GRIA1: variants seen among roughly 807,000 people sequenced by gnomAD.
GRIA1 encodes glutamate receptor 1.
GRIA1 carries 31 observed loss-of-function variants against 99.2 expected under a neutral mutation model. The ratio of observed to expected loss-of-function variants is 0.31; its 90% CI spans 0.23 to 0.42. The LOEUF is 0.42. GRIA1 is among the 10% of genes least tolerant of loss of function. The pLI, the probability that GRIA1 is intolerant of heterozygous loss-of-function variation, is 1.00. For synonymous variants in GRIA1, 438 were observed against 432.4 expected, an observed-to-expected ratio of 1.01 and a Z score of -0.16; for missense variants, 782 against 1,157.5, an observed-to-expected ratio of 0.68 and a Z score of 4.71.
intron 11 of GRIA1, among the ~76,000 whole-genome samples, chr5:153,760,632 A>G (rs1763119401): frequency 6.6e-6 from 1 of 152,124 alleles, no homozygotes; most frequent in Non-Finnish European, 1.5e-5. Flanking sequence ...TGCAATCCCT[A>G]TCATAATGTC....
intron 15 of GRIA1, among the ~76,000 whole-genome samples, chr5:153,805,936 A>G (rs1361159247): frequency 6.6e-6 from 1 of 152,210 alleles, no homozygotes; most frequent in Non-Finnish European, 1.5e-5. Context: ...GGCTCCTAAT[A>G]GAATTTCCCA....
chr5:153,548,131 C>T (rs1759780276), intron 2 of GRIA1, among the ~76,000 whole-genome samples: 1 of 152,146 alleles, frequency 6.6e-6, no homozygotes, highest in African/African-American at 2.4e-5. Context: ...AGCAGGATCT[C>T]AGTCTATGGC....
chr5:153,518,357 A>G (rs925159539), intron 2 of GRIA1, among the ~76,000 whole-genome samples: 2 of 152,140 alleles, frequency 1.3e-5, no homozygotes, highest in Non-Finnish European at 2.9e-5. Context: ...TGTTCCTTGT[A>G]TCCTGTGTCT....
intron 2 of GRIA1, among the ~76,000 whole-genome samples, chr5:153,530,598 T>C (rs1029218888): frequency 1.3e-5 from 2 of 152,382 alleles, no homozygotes; most frequent in East Asian, 3.9e-4. Flanking sequence ...GTTTCCGCTG[T>C]GCTGTTACAA....
chr5:153,632,611 A>T (rs938639304), intron 2 of GRIA1, among the ~76,000 whole-genome samples: 1 of 152,188 alleles, frequency 6.6e-6, no homozygotes, highest in Admixed American at 6.5e-5. Flanking sequence ...GGACTTTGGT[A>T]AGCTTATTCC....
chr5:153,541,904 G>A (rs549161504), intron 2 of GRIA1, among the ~76,000 whole-genome samples: 16 of 141,636 alleles, frequency 1.1e-4, no homozygotes, highest in African/African-American at 2.8e-4. Context: ...CACACCAGCC[G>A]GGTGACAGAA....
At chr5:153,669,302 C>T (rs1387837342) in intron 5 of GRIA1, among the ~76,000 whole-genome samples, 4 of 152,114 alleles carry the variant, frequency 2.6e-5, no homozygotes, top group Non-Finnish European at 5.9e-5. Context: ...TCTTAAAAAG[C>T]TGTTTGAATA....
intron 2 of GRIA1, among the ~76,000 whole-genome samples, chr5:153,630,348 T>C (rs1327450417): frequency 6.6e-6 from 1 of 152,120 alleles, no homozygotes; most frequent in East Asian, 1.9e-4. Context: ...TTCTTAGATA[T>C]GTGAGGGAGA....
At chr5:153,764,998 GCT>G (rs1163694164) in intron 12 of GRIA1, among the ~76,000 whole-genome samples, 2 of 152,072 alleles carry the variant, frequency 1.3e-5, no homozygotes, top group Non-Finnish European at 2.9e-5. Context: ...TGGACCTGAT[GCT>G]CTTTGTGTCC....
intron 2 of GRIA1, among the ~76,000 whole-genome samples, chr5:153,594,804 C>A (rs745885797): frequency 6.6e-6 from 1 of 151,754 alleles, no homozygotes; most frequent in Non-Finnish European, 1.5e-5. Context: ...AGTCCACCCC[C>A]AGTCTTCTGC....
intron 11 of GRIA1, among the ~76,000 whole-genome samples, chr5:153,735,535 T>C (rs571295228): frequency 2.0e-5 from 3 of 152,302 alleles, no homozygotes; most frequent in Non-Finnish European, 4.4e-5. Flanking sequence ...GGCCAGGGTG[T>C]AGCATTGGGC....
intron 11 of GRIA1, among the ~76,000 whole-genome samples, chr5:153,730,083 T>A (rs1373682736): frequency 6.6e-6 from 1 of 152,146 alleles, no homozygotes; most frequent in African/African-American, 2.4e-5. Context: ...CAGTTGCTTG[T>A]TCAACACCTG....
intron 11 of GRIA1, among the ~76,000 whole-genome samples, chr5:153,720,487 C>T (rs1759978855): frequency 6.6e-6 from 1 of 152,206 alleles, no homozygotes; most frequent in South Asian, 2.1e-4. Flanking sequence ...AACTGCTCCT[C>T]CATCCCACGC....
chr5:153,578,626 C>T (rs72802627), intron 2 of GRIA1, among the ~76,000 whole-genome samples: 7,644 of 152,170 alleles, frequency 0.05, 265 homozygotes, highest in Non-Finnish European at 0.076. Flanking sequence ...TTGGTCCAGT[C>T]GGCTGGCCGC....
chr5:153,792,074 A>G (rs1765335092), intron 13 of GRIA1, among the ~76,000 whole-genome samples: 1 of 152,212 alleles, frequency 6.6e-6, no homozygotes, highest in Non-Finnish European at 1.5e-5. Flanking sequence ...CAACATACCA[A>G]TGAGCTAGAA....
At chr5:153,759,222 G>A (rs1336672400) in intron 11 of GRIA1, among the ~76,000 whole-genome samples, 2 of 146,988 alleles carry the variant, frequency 1.4e-5, no homozygotes, top group East Asian at 3.9e-4. Context: ...AAATCATAAA[G>A]ACCAGAACAG....
At chr5:153,552,484 T>C (rs1168528586) in intron 2 of GRIA1, among the ~76,000 whole-genome samples, 1 of 152,150 alleles carries the variant, frequency 6.6e-6, no homozygotes, top group Non-Finnish European at 1.5e-5. Context: ...AAGGAGTCCC[T>C]GAGAACAAGG....
intron 4 of GRIA1, among the ~76,000 whole-genome samples, chr5:153,650,896 T>TAA (rs71575151): frequency 0.045 from 3,125 of 70,032 alleles, 122 homozygotes; most frequent in Non-Finnish European, 0.053. Context: ...CTGTCTCCAC[T>TAA]AAAAAAAAAA....
At position 153,490,875 on chromosome 5, in the gene GRIA1, A is replaced by G. The variant is rs755941162; in HGVS notation, c.-14A>G. 7.5e-6 allele frequency: 12 copies of G among 1,607,012 alleles called. No individual in the cohort carries two copies. Among genetic ancestry groups the G allele is most frequent in the African/African-American group, 4.0e-5 (3 of 74,788 alleles). On this transcript the variant is annotated 5_prime_UTR_variant, in exon 1 of 16. It removes an upstream start codon present in the reference 5' UTR. Transcript: ENST00000285900. Reference sequence around the variant, plus strand: ...TTGGACCTGGGCTTCTTTTTCGCCAATGCAAAAAGGAATATGCAGCACATT... The same window carrying G: ...TTGGACCTGGGCTTCTTTTTCGCCAGTGCAAAAAGGAATATGCAGCACATT...
Sources: allele counts gnomAD v4.1 joint callset (sites outside exome capture counted in the v4.1 genomes callset), GRCh38; gene constraint gnomAD v4.1.1; transcripts MANE v1.5; gene names NCBI Gene and HGNC (gene_info 2026-07-23, HGNC 2026-07-21).